SATB1: variants seen among roughly 807,000 people sequenced by gnomAD.
SATB1 encodes the protein DNA-binding protein SATB1.
In SATB1, 11 loss-of-function variants were observed where a neutral mutation model predicts 86.9. The observed-to-expected ratio is 0.13, with a 90% CI of 0.08 to 0.21. The LOEUF (loss-of-function observed/expected upper bound fraction) is 0.21. SATB1 is among the 10% of genes least tolerant of loss of function. The probability of loss-of-function intolerance (pLI) is 1.00; values close to 1 mark genes in which losing one functional copy is unlikely to be tolerated. For missense variants in SATB1, 551 were observed against 937.6 expected (o/e 0.59, Z 5.39); for synonymous variants, 357 against 357.2 (o/e 1.00, Z 0.01).
At chr3:18,420,630 G>T in intron 2 of SATB1, 127 bp downstream of exon 2, 1 of 745,562 alleles carries the variant, frequency 1.3e-6, no homozygotes, top group Non-Finnish European at 2.3e-6. Flanking sequence ...TGTAACTAAT[G>T]TACGATCATA....
intron 5 of SATB1, 73 bp downstream of exon 5, chr3:18,415,038 A>C: frequency 1.3e-6 from 2 of 1,557,136 alleles, no homozygotes; most frequent in Non-Finnish European, 1.8e-6. Flanking sequence ...GCTTTAAACC[A>C]GGGAGCTCCA....
chr3:18,375,480 C>A lies in SATB1; in HGVS notation c.1575+2690G>T, dbSNP rs9814665. Among the ~76,000 whole-genome samples, 571 of 152,076 alleles carry A rather than the reference C, an allele frequency of 3.8e-3. 2 individuals are homozygous for A. The highest frequency in any genetic ancestry group is 6.6e-3 in the Non-Finnish European group (446 of 67,980). ...AGACTCTGGTTCTTCCTGCTTCACA[C>A]ACATTTTGTCTTGGGGGACTGCTGC... On this transcript the variant is annotated intron_variant, in intron 9 of 10. Transcript: ENST00000338745.
chr3:18,419,764 G>C (rs759948760), intron 2 of SATB1, among the ~76,000 whole-genome samples: 30 of 152,098 alleles, frequency 2.0e-4, no homozygotes, highest in South Asian at 6.2e-4. Flanking sequence ...AGAATTTGCT[G>C]AAGTGCTGTT....
At chr3:18,441,752 C>T (rs973670041), upstream of SATB1, among the ~76,000 whole-genome samples, 7 of 152,012 alleles carry the variant, frequency 4.6e-5, no homozygotes, top group Admixed American at 1.3e-4. Context: ...ACCTTTTAGG[C>T]CTAATTTACA....
At position 18,397,231 on chromosome 3, in the gene SATB1, A is replaced by G. The variant is rs1193767222; in HGVS notation, c.699T>C (p.Cys233=). The G allele has an allele frequency of 2.5e-6, 4 of 1,613,000 alleles. No homozygotes were observed. In the African/African-American group the frequency reaches 5.3e-5, roughly 22 times the overall value. The stretch of plus-strand genomic sequence containing the variant: ...GTTTGTACCACCTTCCAAATTCTTG[A>G]CATTTTGCTGCTGAGACATTTGCAT... ...TYYANVSAAK[C]QEFGRWYKHF... The change falls in exon 6 of 11, where the codon TGT becomes TGC. Residue 233 remains cysteine (C), a synonymous_variant. Coordinates refer to ENST00000338745, the MANE Select transcript of SATB1 (RefSeq NM_002971.6).
intron 5 of SATB1, 129 bp from the exon 6 acceptor site, chr3:18,397,419 T>C: frequency 3.2e-6 from 2 of 616,886 alleles, no homozygotes; most frequent in South Asian, 3.9e-5. Flanking sequence ...TTTCACACTT[T>C]AGCCTAAAGC....
chr3:18,442,832 C>A (rs543478079), upstream of SATB1, among the ~76,000 whole-genome samples: 2 of 152,186 alleles, frequency 1.3e-5, no homozygotes, highest in South Asian at 4.1e-4. Flanking sequence ...CCTGTCTGCA[C>A]ATTTGTCAAA....
At chr3:18,355,789 G>A (rs1694601321) in intron 9 of SATB1, among the ~76,000 whole-genome samples, 1 of 151,932 alleles carries the variant, frequency 6.6e-6, no homozygotes, top group African/African-American at 2.4e-5. Flanking sequence ...TTGAACAGTA[G>A]AAAAGACAGG....
intron 2 of SATB1, among the ~76,000 whole-genome samples, chr3:18,433,136 C>CA (rs1698942714): frequency 6.6e-6 from 1 of 151,990 alleles, no homozygotes. Flanking sequence ...ATATCTTAGC[C>CA]AAAAAAAGAG....
intron 5 of SATB1, among the ~76,000 whole-genome samples, chr3:18,405,895 G>T (rs1481617803): frequency 6.6e-6 from 1 of 151,812 alleles, no homozygotes; most frequent in East Asian, 1.9e-4. Context: ...TGTCACCTCT[G>T]GATTAGATCA....
upstream of SATB1, among the ~76,000 whole-genome samples, chr3:18,440,786 A>C (rs1699221355): frequency 6.6e-6 from 1 of 152,218 alleles, no homozygotes; most frequent in Admixed American, 6.5e-5. Flanking sequence ...AAATCATCAC[A>C]GAGTTTTGGA....
upstream of SATB1, among the ~76,000 whole-genome samples, chr3:18,441,934 T>C (rs1699252937): frequency 6.6e-6 from 1 of 152,194 alleles, no homozygotes; most frequent in Admixed American, 6.5e-5. Flanking sequence ...AATATTCATT[T>C]TGTTGTCGTT....
chr3:18,444,473 G>A lies in SATB1; in HGVS notation c.-25+1045C>T. 2 of 556,826 alleles carry A rather than the reference G, an allele frequency of 3.6e-6. No individual in the cohort carries two copies. Among genetic ancestry groups the A allele is most frequent in the Non-Finnish European group, 4.6e-6 (2 of 438,394 alleles). The allele number at this position is 556,826 out of a possible 1,614,324, so 34.5% of individuals were successfully genotyped here. A position where few individuals can be genotyped will look rare whatever the true frequency, so the allele number is the denominator to read the frequency against. On this transcript the variant is annotated intron_variant, in intron 1 of 3. Coordinates refer to the SATB1 transcript ENST00000415069. This position sits in a 1 kb window ranked among gnomAD's most constrained non-coding sequence, Gnocchi z 5.1. ...GTTGAAGCCCTGCGCCCACGAGAGG[G>A]GAGCCCAGCCGCCCCAATAGGGGAC...
chr3:18,441,967 G>T (rs1204539182), upstream of SATB1, among the ~76,000 whole-genome samples: 2 of 151,980 alleles, frequency 1.3e-5, no homozygotes, highest in Admixed American at 1.3e-4. Flanking sequence ...GGAGACAAAA[G>T]AACTACTTTT....
intron 5 of SATB1, among the ~76,000 whole-genome samples, chr3:18,398,766 T>C (rs910296033): frequency 6.6e-6 from 1 of 152,182 alleles, no homozygotes; most frequent in African/African-American, 2.4e-5. Flanking sequence ...TCACATTTTA[T>C]ATCTCTAAAA....
At chr3:18,368,630 T>C (rs1695306452) in intron 9 of SATB1, among the ~76,000 whole-genome samples, 1 of 152,154 alleles carries the variant, frequency 6.6e-6, no homozygotes, top group African/African-American at 2.4e-5. Flanking sequence ...CTTCTCTCAG[T>C]TGGACAGCAG....
chr3:18,375,610 G>T (rs73038369), intron 9 of SATB1, among the ~76,000 whole-genome samples: 50,676 of 151,706 alleles, frequency 0.33, 9,271 homozygotes, highest in Admixed American at 0.46. Context: ...GGGTTTTTTT[G>T]TTGTTGTTGT....
chr3:18,393,899 A>G (rs1211676705), intron 7 of SATB1, among the ~76,000 whole-genome samples: 1 of 152,222 alleles, frequency 6.6e-6, no homozygotes, highest in Non-Finnish European at 1.5e-5. Flanking sequence ...ACAGCTTACA[A>G]ATATTTTATG....
chr3:18,394,879 G>A lies in SATB1; in HGVS notation c.789C>T (p.Gly263=), dbSNP rs142653340. Residue 263 remains glycine (G), a synonymous_variant, in exon 7 of 11, where the codon GGC becomes GGT. Coordinates refer to ENST00000338745, the MANE Select transcript of SATB1 (RefSeq NM_002971.6). This position sits in a 1 kb window ranked among gnomAD's most constrained non-coding sequence, Gnocchi z 5.9. ...GCTGGCCAAAATTGACATGATTGGC[G>A]CCTTGCTGGGATAGCTCAGAAAGAC... The part of the protein sequence containing the change: ...MDSLSELSQQ[G]ANHVNFGQQP... 26 of 1,609,588 alleles carry A rather than the reference G, an allele frequency of 1.6e-5. No homozygotes were observed. Among genetic ancestry groups the A allele is most frequent in the Admixed American group, 8.3e-5 (5 of 59,914 alleles).
Sources: gnomAD v4.1 joint callset for allele counts (sites outside exome capture counted in the v4.1 genomes callset) on GRCh38, gnomAD v4.1.1 for gene constraint, Gnocchi (gnomAD v3.1) non-coding constraint, MANE v1.5 for transcripts, NCBI Gene and HGNC (gene_info 2026-07-23, HGNC 2026-07-21) for gene names.